CEP152: variants seen among roughly 807,000 people sequenced by gnomAD.
The protein encoded by CEP152 is centrosomal protein 152, also known as centrosomal protein of 152 kDa.
A neutral mutation model predicts 188.9 loss-of-function variants in CEP152; 132 were observed. The ratio of observed to expected loss-of-function variants is 0.70; its 90% CI spans 0.61 to 0.81. The LOEUF (loss-of-function observed/expected upper bound fraction) is 0.81. Ranked by LOEUF, CEP152 falls within the 30% of genes least tolerant of loss-of-function variation. The pLI, the probability that CEP152 is intolerant of heterozygous loss-of-function variation, is 0.00. For missense variants in CEP152, 1,914 were observed against 1,969.8 expected (o/e 0.97, Z 0.54); for synonymous variants, 649 against 666.6 (o/e 0.97, Z 0.41).
intron 2 of CEP152, among the ~76,000 whole-genome samples, chr15:48,799,206 C>A: frequency 6.6e-6 from 1 of 151,574 alleles, no homozygotes; most frequent in African/African-American, 2.4e-5. Context: ...TTTTTTTCCA[C>A]TTTACCTGTC....
rs573701896 is a variant in CEP152, at chr15:48,730,003, C to A, written c.142+11628G>T. 3.3e-5 allele frequency among the ~76,000 whole-genome samples: 5 copies of A among 151,626 alleles called. No individual in the cohort carries two copies. In the East Asian group the frequency reaches 5.8e-4, roughly 18 times the overall value. On this transcript the variant is annotated intron_variant and NMD_transcript_variant, in intron 2 of 3. Coordinates refer to the CEP152 transcript ENST00000561245. ...GAAGAAGCTCCCCACCGGCCCCCCC[C>A]AAAAAAAATTACTACAAAACTGAAA...
At chr15:48,781,011 T>C (rs1896206051) in intron 12 of CEP152, among the ~76,000 whole-genome samples, 185 bp downstream of exon 12, 1 of 152,238 alleles carries the variant, frequency 6.6e-6, no homozygotes, top group African/African-American at 2.4e-5. Flanking sequence ...AAGGTCATAG[T>C]AAGGTTTCTA....
rs747436177 is a variant in CEP152 at position 48,787,163 on chromosome 15, G to GTTTTTTTTTTTT, written c.1173+1626_1173+1637dup. Among the ~76,000 whole-genome samples the GTTTTTTTTTTTT allele has an allele frequency of 5.3e-4, 54 of 101,520 alleles. 9 individuals are homozygous for GTTTTTTTTTTTT. The highest frequency in any genetic ancestry group is 7.3e-4 in the Non-Finnish European group (39 of 53,412). The allele number at this position is 101,520 out of a possible 152,430, so 66.6% of individuals were successfully genotyped here. ...TTTTCAATAATTTGGTATAGCCTTC[G>GTTTTTTTTTTTT]TTTTTTTTTTTTTTTTTTTCTGGAA... On this transcript the variant is annotated intron_variant, in intron 9 of 26. Transcript: ENST00000380950.
intron 21 of CEP152, 113 bp from the exon 22 acceptor site, chr15:48,748,723 A>C: frequency 8.9e-7 from 1 of 1,129,148 alleles, no homozygotes; most frequent in Non-Finnish European, 1.2e-6. Context: ...TAAAGGCTAC[A>C]GCACGACTGA....
Position 48,760,197 on chromosome 15 carries a change from C to T in CEP152, c.2632G>A (p.Ala878Thr). The T allele has an allele frequency of 6.2e-7, 1 of 1,614,084 alleles. No individual in the cohort carries two copies. The highest frequency in any genetic ancestry group is 1.1e-5 in the South Asian group (1 of 91,082). The change falls in exon 19 of 27, where the codon GCA (alanine) becomes ACA (threonine). Residue 878 changes from alanine (A) to threonine (T), a missense_variant. By Grantham distance (58) the Ala-to-Thr change is moderately conservative (BLOSUM62 0). Transcript: ENST00000380950. ...TTTTTCTGTTCTGCCTTCACAAGTG[C>T]TTGATACTCTGCCAGCTCTGGTAGT... ...GELPELAEYQALVKAEQKKWE... is the reference protein window; with the variant it reads ...GELPELAEYQTLVKAEQKKWE...
Position 48,744,313 on chromosome 15 carries a change from A to G in CEP152, c.3762T>C (p.Ala1254=). The change falls in exon 24 of 27, where the codon GCT becomes GCC. Residue 1254 remains alanine (A), a synonymous_variant. Coordinates refer to ENST00000380950, the MANE Select transcript of CEP152 (RefSeq NM_001194998.2). The part of the protein sequence containing the change: ...RSLSAGAIEN[A]CLPCSGGALE... Reference sequence around the variant, plus strand: ...AGGCTCCCCCACTGCATGGCAGGCAAGCATTTTCAATGGCCCCTGCTGACA... The same window carrying G: ...AGGCTCCCCCACTGCATGGCAGGCAGGCATTTTCAATGGCCCCTGCTGACA... The G allele has an allele frequency of 6.2e-7, 1 of 1,614,108 alleles. No individual in the cohort carries two copies. Among genetic ancestry groups the G allele is most frequent in the Non-Finnish European group, 8.5e-7 (1 of 1,179,980 alleles).
At chr15:48,729,917 G>C (rs766722617) in intron 2 of CEP152, 1 of 151,868 alleles carries the variant, frequency 6.6e-6, no homozygotes, top group Non-Finnish European at 1.5e-5. Context: ...ACACAGAAAA[G>C]AGATTACTCC....
At chr15:48,752,240 G>C (rs1386234293) in intron 21 of CEP152, 109 bp downstream of exon 21, 2 of 1,576,570 alleles carry the variant, frequency 1.3e-6, no homozygotes. Context: ...TAAGTCAGAC[G>C]ATTATTACCC....
intron 2 of CEP152, among the ~76,000 whole-genome samples, chr15:48,803,384 G>T (rs1897792836): frequency 6.6e-6 from 1 of 152,116 alleles, no homozygotes; most frequent in Non-Finnish European, 1.5e-5. Context: ...ACTTTAACTT[G>T]TAGTGACAAA....
At chr15:48,780,989 T>C (rs1200729296) in intron 12 of CEP152, among the ~76,000 whole-genome samples, 1 of 152,226 alleles carries the variant, frequency 6.6e-6, no homozygotes, top group African/African-American at 2.4e-5. Context: ...ACAGAATCTC[T>C]ACTTTAAAAG....
intron 17 of CEP152, chr15:48,765,636 A>ATTTTTTTTTTTTTTTTTTTTTTT (rs34837739): frequency 2.1e-5 from 4 of 189,476 alleles, no homozygotes; most frequent in African/African-American, 6.4e-5. Flanking sequence ...GTTCTTGCCA[A>ATTTTTTTTTTTTTTTTTTTTTTT]TTTTTTTTTT....
At chr15:48,788,678 C>A in intron 9 of CEP152, 123 bp downstream of exon 9, 1 of 992,594 alleles carries the variant, frequency 1.0e-6, no homozygotes, top group South Asian at 1.3e-5. Context: ...ACTCACCTCA[C>A]ACACAATCTA....
chr15:48,752,371 T>C lies in CEP152; in HGVS notation c.3444A>G (p.Leu1148=), dbSNP rs1271115543. Residue 1148 remains leucine (L), a synonymous_variant, in exon 21 of 27, where the codon TTA becomes TTG. Coordinates refer to ENST00000380950, the MANE Select transcript of CEP152 (RefSeq NM_001194998.2). ...AAGHHAQPLA[L]QATEAEADKK... is the part of the protein sequence containing the mutation. ...TACCAGCTTCTGCTTCTGTTGCTTG[T>C]AAGGCCAAGGGCTGAGCATGGTGTC... is the stretch of plus-strand genomic sequence containing the variant. The C allele has an allele frequency of 3.1e-6, 5 of 1,614,080 alleles. 1 individual carries two copies. Among genetic ancestry groups the C allele is most frequent in the Admixed American group, 3.3e-5 (2 of 60,014 alleles).
At chr15:48,759,751 AAGG>A (rs1894543122) in intron 19 of CEP152, among the ~76,000 whole-genome samples, 2 of 152,326 alleles carry the variant, frequency 1.3e-5, no homozygotes, top group South Asian at 4.1e-4. Flanking sequence ...CATTTCTGGA[AAGG>A]AGAACTGGCT....
At chr15:48,761,467 C>T (rs1015273585) in intron 18 of CEP152, among the ~76,000 whole-genome samples, 16 of 152,122 alleles carry the variant, frequency 1.1e-4, no homozygotes, top group African/African-American at 3.9e-4. Flanking sequence ...AGGCTAGAAA[C>T]CCTGTCAGGT....
chr15:48,799,560 A>G (rs1897543056), intron 2 of CEP152, among the ~76,000 whole-genome samples: 1 of 152,184 alleles, frequency 6.6e-6, no homozygotes, highest in Non-Finnish European at 1.5e-5. Flanking sequence ...AGTTATCTTC[A>G]TCTTTAAATC....
rs34837739 is a variant in CEP152 at position 48,765,636 on chromosome 15, A to ATTTTTTTTTTTTTTTTTTTTTTTTTTTT, written c.2280+1396_2280+1423dup. 2.6e-5 allele frequency: 5 copies of ATTTTTTTTTTTTTTTTTTTTTTTTTTTT among 189,476 alleles called. 1 individual carries two copies. Among genetic ancestry groups the ATTTTTTTTTTTTTTTTTTTTTTTTTTTT allele is most frequent in the African/African-American group, 6.4e-5 (1 of 15,724 alleles). 11.7% of individuals were successfully genotyped at this position (189,476 alleles called of 1,614,324 possible). On this transcript the variant is annotated intron_variant, in intron 17 of 26. Transcript: ENST00000380950. ...GAAAATTCCTCTTATGTTCTTGCCA[A>ATTTTTTTTTTTTTTTTTTTTTTTTTTTT]TTTTTTTTTTTTTTTTTTTTTTTTT...
chr15:48,765,635 A>G (rs1379734295), intron 17 of CEP152: 1 of 305,902 alleles, frequency 3.3e-6, no homozygotes, highest in Non-Finnish European at 6.0e-6. Context: ...TGTTCTTGCC[A>G]ATTTTTTTTT....
In CEP152 at chr15:48,756,123, T is replaced by C. The variant is rs953932004; in HGVS notation, c.3125A>G (p.Tyr1042Cys). 2 of 1,614,020 alleles carry C rather than the reference T, an allele frequency of 1.2e-6. No individual in the cohort carries two copies. The highest frequency in any genetic ancestry group is 1.7e-6 in the Non-Finnish European group (2 of 1,179,990). ...AKRIQLEIYQ[Y>C]EEDILTVLGV... Reference sequence around the variant, plus strand: ...AAGTACAGTCAGGATGTCTTCCTCATACTGATAGATTTCCAGTTGGATCCG... The same window carrying C: ...AAGTACAGTCAGGATGTCTTCCTCACACTGATAGATTTCCAGTTGGATCCG... The change falls in exon 20 of 27, where the codon TAT becomes TGT. Residue 1042 changes from tyrosine (Y) to cysteine (C), a missense_variant. Physicochemically the swap from Tyr to Cys is radical, Grantham distance 194. Coordinates refer to ENST00000380950, the MANE Select transcript of CEP152 (RefSeq NM_001194998.2).
Sources: allele counts gnomAD v4.1 joint callset (sites outside exome capture counted in the v4.1 genomes callset), GRCh38; gene constraint gnomAD v4.1.1; transcripts MANE v1.5; gene names NCBI Gene and HGNC (gene_info 2026-07-23, HGNC 2026-07-21).